Variants in DMXL2 observed in about 807,000 individuals in gnomAD.
DMXL2 encodes dmX-like protein 2.
In DMXL2, 103 loss-of-function variants were observed where a neutral mutation model predicts 331.1. The ratio of observed to expected loss-of-function variants is 0.31; its 90% CI spans 0.27 to 0.37. DMXL2 has a LOEUF of 0.37. Among genes scored for constraint, DMXL2 ranks in the 10% least tolerant of loss-of-function variants. The probability of loss-of-function intolerance (pLI) is 1.00; values close to 1 mark genes in which losing one functional copy is unlikely to be tolerated. For synonymous variants in DMXL2, 1,281 were observed against 1,252.1 expected (o/e 1.02, Z -0.49); for missense variants, 3,171 against 3,642.9 (o/e 0.87, Z 3.33).
At position 51,480,143 on chromosome 15, in the gene DMXL2, T is replaced by C. The variant is rs2041902974; in HGVS notation, c.6565-4A>G. ...GGAGCTGCTTTACTGTAGTTTCCTG[T>C]GGGTGATAGTGAATTATTTTTTTCA... On this transcript the variant is annotated splice_polypyrimidine_tract_variant and splice_region_variant and intron_variant, in intron 24 of 43. Transcript: ENST00000560891. 6.6e-7 allele frequency: 1 copy of C among 1,505,438 alleles called. No individual in the cohort carries two copies. Among genetic ancestry groups the C allele is most frequent in the Non-Finnish European group, 8.9e-7 (1 of 1,119,696 alleles). The allele number at this position is 1,505,438 out of a possible 1,614,324, so 93.3% of individuals were successfully genotyped here.
At chr15:51,527,371 G>GTGTC (rs1347076786) in intron 13 of DMXL2, among the ~76,000 whole-genome samples, 1 of 152,064 alleles carries the variant, frequency 6.6e-6, no homozygotes, top group Non-Finnish European at 1.5e-5. Flanking sequence ...AACACCAGAC[G>GTGTC]TGTCATACAA....
chr15:51,572,401 TA>T (rs1308298288), intron 2 of DMXL2, among the ~76,000 whole-genome samples: 2 of 151,810 alleles, frequency 1.3e-5, no homozygotes, highest in African/African-American at 4.8e-5. Flanking sequence ...TTCCAAACAA[TA>T]AAAAAAGAGG....
chr15:51,496,131 C>T (rs2043159379), intron 18 of DMXL2, among the ~76,000 whole-genome samples: 1 of 152,102 alleles, frequency 6.6e-6, no homozygotes, highest in African/African-American at 2.4e-5. Flanking sequence ...AGGTGTGAGC[C>T]ACCATGCTCA....
chr15:51,528,432 A>G (rs539562362), intron 13 of DMXL2, among the ~76,000 whole-genome samples: 13 of 152,288 alleles, frequency 8.5e-5, no homozygotes, highest in African/African-American at 3.1e-4. Context: ...AGCTATACTT[A>G]TATCAGACAG....
intron 7 of DMXL2, among the ~76,000 whole-genome samples, chr15:51,546,543 C>G (rs1250277264): frequency 6.6e-6 from 1 of 152,088 alleles, no homozygotes; most frequent in Non-Finnish European, 1.5e-5. Flanking sequence ...CAAGAACAAA[C>G]TAGATTTCTA....
intron 26 of DMXL2, among the ~76,000 whole-genome samples, chr15:51,477,217 T>C (rs1449825939): frequency 6.6e-6 from 1 of 152,062 alleles, no homozygotes; most frequent in Admixed American, 6.5e-5. Context: ...TCCCTAAATA[T>C]TATTTAATAA....
intron 1 of DMXL2, among the ~76,000 whole-genome samples, chr15:51,587,856 C>T (rs1442857382): frequency 6.6e-6 from 1 of 152,142 alleles, no homozygotes; most frequent in East Asian, 1.9e-4. Context: ...TTAATGATCG[C>T]CATTCTAACT....
At chr15:51,595,232 A>G (rs2052708696) in intron 1 of DMXL2, among the ~76,000 whole-genome samples, 2 of 152,268 alleles carry the variant, frequency 1.3e-5, no homozygotes, top group Non-Finnish European at 2.9e-5. Flanking sequence ...GTCTCAGGAT[A>G]CAAAATCAAT....
At chr15:51,516,773 C>A (rs1816469675) in intron 14 of DMXL2, among the ~76,000 whole-genome samples, 1 of 152,112 alleles carries the variant, frequency 6.6e-6, no homozygotes, top group Non-Finnish European at 1.5e-5. Context: ...TGTGGTTTTT[C>A]AAATCTCTAG....
intron 15 of DMXL2, among the ~76,000 whole-genome samples, chr15:51,512,204 A>G (rs909587581): frequency 2.6e-5 from 4 of 152,320 alleles, no homozygotes; most frequent in African/African-American, 7.2e-5. Flanking sequence ...AAATAATAAT[A>G]AAAATAAACT....
intron 37 of DMXL2, among the ~76,000 whole-genome samples, chr15:51,456,849 T>G (rs1020096714): frequency 1.3e-5 from 2 of 152,168 alleles, no homozygotes; most frequent in African/African-American, 4.8e-5. Flanking sequence ...CTAGGATTGT[T>G]GTGAGAAAAA....
chr15:51,563,993 GA>G lies in DMXL2; in HGVS notation c.500+131del, dbSNP rs60259473. On this transcript the variant is annotated intron_variant, in intron 5 of 43. Transcript: ENST00000560891. Reference sequence around the variant, plus strand: ...AATGCTATTATATGGGTTTTGGTTAGAAAAAAATCTACTTTCTAGGCATCTA... The same window carrying G: ...AATGCTATTATATGGGTTTTGGTTAGAAAAAATCTACTTTCTAGGCATCTA... 480,771 of 959,800 alleles carry G rather than the reference GA, an allele frequency of 0.5. 122,516 individuals are homozygous for G. Among genetic ancestry groups the G allele is most frequent in the Non-Finnish European group, 0.51 (331,092 of 646,368 alleles). The allele number at this position is 959,800 out of a possible 1,614,324, so 59.5% of individuals were successfully genotyped here.
At chr15:51,534,551 G>A (rs1396230218) in intron 13 of DMXL2, among the ~76,000 whole-genome samples, 1 of 152,154 alleles carries the variant, frequency 6.6e-6, no homozygotes, top group Admixed American at 6.5e-5. Flanking sequence ...TGACAAATTG[G>A]CAGGAATGAA....
In DMXL2 at chr15:51,449,297, C is replaced by T. The variant is rs1170221570; in HGVS notation, c.8968-104G>A. 6.9e-5 allele frequency: 73 copies of T among 1,058,006 alleles called. No individual in the cohort carries two copies. In the South Asian group the frequency reaches 9.7e-4, roughly 14 times the overall value. The allele number at this position is 1,058,006 out of a possible 1,614,324, so 65.5% of individuals were successfully genotyped here. ...CCAAGTGATCTCACTAAAGCCCAAC[C>T]TTCCCACCCACTGCCTCTTTCCTAA... On this transcript the variant is annotated intron_variant, in intron 43 of 43. Transcript: ENST00000560891.
rs1411411252 is a variant in DMXL2 at position 51,478,347 on chromosome 15, C to T, written c.6757G>A (p.Val2253Met). The T allele has an allele frequency of 1.9e-6, 3 of 1,612,242 alleles. No homozygotes were observed. Among genetic ancestry groups the T allele is most frequent in the Non-Finnish European group, 1.7e-6 (2 of 1,178,942 alleles). ...PPHPSIEDVK[V>M]HTLHSLAASL... Reference sequence around the variant, plus strand: ...GCTGCTAGTGAATGAAGTGTGTGCACCTAAAACCAAAACAGTCACAATTAC... The same window carrying T: ...GCTGCTAGTGAATGAAGTGTGTGCATCTAAAACCAAAACAGTCACAATTAC... The change falls in exon 26 of 44, where the codon GTG (valine) becomes ATG (methionine). Residue 2253 changes from valine to methionine, a missense_variant and splice_region_variant. This residue lies in a region of DMXL2 where 18 missense variants were observed against 40.9 expected (regional missense o/e 0.44). Transcript: ENST00000560891.
In DMXL2 at chr15:51,500,150, C is replaced by A. The variant is rs138911498; in HGVS notation, c.3074G>T (p.Arg1025Leu). The A allele has an allele frequency of 3.7e-6, 6 of 1,614,122 alleles. No individual in the cohort carries two copies. Among genetic ancestry groups the A allele is most frequent in the Non-Finnish European group, 5.1e-6 (6 of 1,180,002 alleles). ...VVTTCSDNKV[R>L]FWKCCMEANP... ...GGCTTCCATACAACATTTCCAGAAG[C>A]GTACTTTATTGTCAGAACAAGTTGT... The change falls in exon 18 of 44, where the codon CGC becomes CTC. Residue 1025 changes from arginine (R) to leucine (L), a missense_variant. Around this residue, in one of 7 missense-constraint regions of DMXL2, gnomAD observed 1,674 missense variants for 1,780.2 expected, o/e 0.94. Transcript: ENST00000560891.
At chr15:51,456,412 A>G (rs1234467802) in intron 37 of DMXL2, 43 bp from the exon 38 acceptor site, 2 of 1,178,970 alleles carry the variant, frequency 1.7e-6, no homozygotes, top group Admixed American at 4.8e-5. Context: ...TGTATGCAGA[A>G]AAGATGAGGA....
intron 16 of DMXL2, among the ~76,000 whole-genome samples, chr15:51,503,571 G>A (rs1376530796): frequency 6.6e-6 from 1 of 152,120 alleles, no homozygotes; most frequent in Non-Finnish European, 1.5e-5. Context: ...CAGAGAATGG[G>A]AAGGGTTGTG....
chr15:51,520,643 G>A (rs532852383), intron 13 of DMXL2, among the ~76,000 whole-genome samples: 22 of 152,078 alleles, frequency 1.4e-4, no homozygotes, highest in Non-Finnish European at 2.6e-4. Context: ...GATCACCTGA[G>A]GTCAAAAGTT....
Sources: allele counts gnomAD v4.1 joint callset (sites outside exome capture counted in the v4.1 genomes callset), GRCh38; gene constraint gnomAD v4.1.1; regional missense constraint gnomAD v4.1.1; transcripts MANE v1.5; gene names NCBI Gene and HGNC (gene_info 2026-07-23, HGNC 2026-07-21).